Variants in NWD2 observed in about 807,000 individuals in gnomAD.
The protein encoded by NWD2 is NACHT and WD repeat domain containing 2.
In NWD2, 37 loss-of-function variants were observed where a neutral mutation model predicts 132.7. The ratio of observed to expected loss-of-function variants is 0.28; its 90% CI spans 0.21 to 0.37. The LOEUF is 0.37. NWD2 is among the 10% of genes least tolerant of loss of function. The probability of loss-of-function intolerance (pLI) is 1.00; values close to 1 mark genes in which losing one functional copy is unlikely to be tolerated. For synonymous variants in NWD2, 705 were observed against 803.0 expected, an observed-to-expected ratio of 0.88 and a Z score of 2.06; for missense variants, 1,592 against 2,122.4, an observed-to-expected ratio of 0.75 and a Z score of 4.91.
At position 37,342,729 on chromosome 4, in the gene NWD2, T is replaced by A. The variant is rs998072709; in HGVS notation, c.241-13637T>A. ...TCAAGGGTTCAGTTCTTCCTTACTA[T>A]CATGTTATATTAGGAATGTCCAGAG... is the stretch of plus-strand genomic sequence containing the variant. On this transcript the variant is annotated intron_variant, in intron 2 of 6. Coordinates refer to ENST00000309447, the MANE Select transcript of NWD2 (RefSeq NM_001144990.2). 2.0e-5 allele frequency among the ~76,000 whole-genome samples: 3 copies of A among 152,196 alleles called. No homozygotes were observed. The South Asian group carries it at 6.2e-4, about 32-fold the overall frequency.
At chr4:37,294,356 T>G (rs1718435086) in intron 1 of NWD2, among the ~76,000 whole-genome samples, 1 of 152,186 alleles carries the variant, frequency 6.6e-6, no homozygotes, top group Admixed American at 6.5e-5. Flanking sequence ...TGTGGAATTC[T>G]CAGGAATGTC....
chr4:37,340,245 C>A (rs1352806592), intron 2 of NWD2, among the ~76,000 whole-genome samples: 2 of 152,146 alleles, frequency 1.3e-5, no homozygotes, highest in African/African-American at 4.8e-5. Flanking sequence ...TCTGTCTTTG[C>A]AGAGCTGTTC....
intron 3 of NWD2, among the ~76,000 whole-genome samples, chr4:37,411,148 G>A (rs1284596757): frequency 6.6e-6 from 1 of 152,106 alleles, no homozygotes; most frequent in African/African-American, 2.4e-5. Context: ...TAAGATCAGA[G>A]CAGAACTGAA....
chr4:37,393,230 A>G (rs1050404916), intron 3 of NWD2, among the ~76,000 whole-genome samples: 1 of 152,194 alleles, frequency 6.6e-6, no homozygotes, highest in Admixed American at 6.5e-5. Context: ...AGAATCAAAT[A>G]AAAGATGGGA....
intron 1 of NWD2, among the ~76,000 whole-genome samples, chr4:37,323,508 C>G (rs1349528475): frequency 6.6e-6 from 1 of 152,068 alleles, no homozygotes; most frequent in Non-Finnish European, 1.5e-5. Flanking sequence ...TCATACCAGT[C>G]AGAACGGCTA....
At chr4:37,366,168 G>A (rs1170997164) in intron 3 of NWD2, among the ~76,000 whole-genome samples, 1 of 152,136 alleles carries the variant, frequency 6.6e-6, no homozygotes, top group Non-Finnish European at 1.5e-5. Context: ...GGGAGGTTAG[G>A]AAGCTGGGAT....
intron 1 of NWD2, among the ~76,000 whole-genome samples, chr4:37,301,633 G>A (rs1718613716): frequency 6.6e-6 from 1 of 150,806 alleles, no homozygotes; most frequent in Non-Finnish European, 1.5e-5. Flanking sequence ...TTTATTTCTA[G>A]AGGTTTTATT....
chr4:37,271,203 C>A (rs1228890480), intron 1 of NWD2, among the ~76,000 whole-genome samples: 1 of 151,754 alleles, frequency 6.6e-6, no homozygotes, highest in Non-Finnish European at 1.5e-5. Context: ...TTTTTCCCAC[C>A]AGATTCTTCT....
chr4:37,357,428 A>G (rs189731669), intron 3 of NWD2, among the ~76,000 whole-genome samples: 23 of 152,334 alleles, frequency 1.5e-4, no homozygotes, highest in Admixed American at 1.2e-3. Flanking sequence ...AGCTGATGGT[A>G]AATTTCTTAC....
chr4:37,365,621 A>G (rs1378561282), intron 3 of NWD2, among the ~76,000 whole-genome samples: 2 of 152,228 alleles, frequency 1.3e-5, no homozygotes, highest in African/African-American at 4.8e-5. Flanking sequence ...ATAGGTTTCA[A>G]TAATTAGTGA....
At chr4:37,429,150 T>A (rs1712100358) in intron 3 of NWD2, among the ~76,000 whole-genome samples, 1 of 152,220 alleles carries the variant, frequency 6.6e-6, no homozygotes, top group East Asian at 1.9e-4. Flanking sequence ...ATGACCTATG[T>A]AAATTTAAAA....
intron 2 of NWD2, among the ~76,000 whole-genome samples, chr4:37,330,652 G>T (rs901786405): frequency 1.3e-5 from 2 of 152,182 alleles, no homozygotes; most frequent in Non-Finnish European, 1.5e-5. Context: ...CTAGTAGATT[G>T]CAAGTCCTTG....
chr4:37,303,854 T>C (rs1289716655), intron 1 of NWD2, among the ~76,000 whole-genome samples: 1 of 152,216 alleles, frequency 6.6e-6, no homozygotes, highest in African/African-American at 2.4e-5. Context: ...TTTTAGTTTT[T>C]CTATATATAA....
At chr4:37,435,838 C>G (rs1414191084) in intron 5 of NWD2, among the ~76,000 whole-genome samples, 1 of 152,096 alleles carries the variant, frequency 6.6e-6, no homozygotes, top group Non-Finnish European at 1.5e-5. Context: ...ATGCTCATGA[C>G]AATTTTACTT....
At chr4:37,370,512 G>C (rs1251395546) in intron 3 of NWD2, among the ~76,000 whole-genome samples, 1 of 152,166 alleles carries the variant, frequency 6.6e-6, no homozygotes, top group Admixed American at 6.5e-5. Context: ...TTGGAATAAG[G>C]AGCTGAGTAA....
intron 1 of NWD2, among the ~76,000 whole-genome samples, chr4:37,256,336 A>T (rs995347090): frequency 1.3e-5 from 2 of 152,224 alleles, no homozygotes; most frequent in African/African-American, 2.4e-5. Flanking sequence ...TTCCCAAGAA[A>T]TAACTGGTGA....
chr4:37,263,489 G>A (rs1406167840), intron 1 of NWD2, among the ~76,000 whole-genome samples: 5 of 152,048 alleles, frequency 3.3e-5, no homozygotes, highest in Non-Finnish European at 4.4e-5. Flanking sequence ...TTTGTAGCAG[G>A]GTGACTTCTT....
intron 2 of NWD2, among the ~76,000 whole-genome samples, chr4:37,344,729 G>A (rs1359661933): frequency 6.6e-6 from 1 of 152,178 alleles, no homozygotes; most frequent in Non-Finnish European, 1.5e-5. Context: ...TAATTCACAT[G>A]TAAAATTCAC....
intron 1 of NWD2, among the ~76,000 whole-genome samples, chr4:37,312,241 T>C (rs1431481046): frequency 1.3e-5 from 2 of 151,546 alleles, no homozygotes; most frequent in Non-Finnish European, 2.9e-5. Flanking sequence ...TTTCACGATA[T>C]TGATTCTTCC....
Sources: gnomAD v4.1 joint callset for allele counts (sites outside exome capture counted in the v4.1 genomes callset) on GRCh38, gnomAD v4.1.1 for gene constraint, MANE v1.5 for transcripts, NCBI Gene and HGNC (gene_info 2026-07-23, HGNC 2026-07-21) for gene names.